Variants in OXR1 observed in about 807,000 individuals in gnomAD.
OXR1 encodes oxidation resistance 1.
A neutral mutation model predicts 104.6 loss-of-function variants in OXR1; 41 were observed. The ratio of observed to expected loss-of-function variants is 0.39; its 90% CI spans 0.31 to 0.51. The LOEUF (loss-of-function observed/expected upper bound fraction) is 0.51, where lower values mean the gene tolerates loss of function less well. Ranked by LOEUF, OXR1 falls within the 20% of genes least tolerant of loss-of-function variation. The probability of loss-of-function intolerance (pLI) is 0.77; values close to 1 mark genes in which losing one functional copy is unlikely to be tolerated. For synonymous variants in OXR1, 348 were observed against 348.4 expected, an observed-to-expected ratio of 1.00 and a Z score of 0.01; for missense variants, 955 against 1,031.9, an observed-to-expected ratio of 0.93 and a Z score of 1.02.
intron 2 of OXR1, among the ~76,000 whole-genome samples, chr8:106,471,611 A>T (rs1291419587): frequency 2.0e-5 from 3 of 151,872 alleles, no homozygotes; most frequent in Non-Finnish European, 4.4e-5. Context: ...TGCATTCTAG[A>T]TTGTTCCCAA....
At chr8:106,334,937 G>A (rs775898879) in intron 1 of OXR1, among the ~76,000 whole-genome samples, 2 of 151,908 alleles carry the variant, frequency 1.3e-5, no homozygotes, top group Non-Finnish European at 2.9e-5. Flanking sequence ...CAAACTCCTT[G>A]GCTGCCATCT....
intron 2 of OXR1, among the ~76,000 whole-genome samples, chr8:106,400,544 GATA>G (rs144505697): frequency 0.081 from 12,340 of 151,956 alleles, 1,706 homozygotes; most frequent in African/African-American, 0.28. Flanking sequence ...TTAAAATGCT[GATA>G]ATAATATTTT....
chr8:106,458,381 C>G (rs1424028620), intron 2 of OXR1, among the ~76,000 whole-genome samples: 1 of 152,056 alleles, frequency 6.6e-6, no homozygotes, highest in African/African-American at 2.4e-5. Flanking sequence ...AGCTGTAAAC[C>G]CTGGTGGGTG....
At chr8:106,621,519 A>AG (rs1232163776) in intron 3 of OXR1, among the ~76,000 whole-genome samples, 1 of 151,866 alleles carries the variant, frequency 6.6e-6, no homozygotes, top group Non-Finnish European at 1.5e-5. Context: ...ATAAGAGTAA[A>AG]AAAAAAAAAA....
chr8:106,745,747 C>G (rs1587321775), intron 15 of OXR1, 42 bp from the exon 16 acceptor site: 1 of 958,454 alleles, frequency 1.0e-6, no homozygotes, highest in African/African-American at 1.7e-5. Flanking sequence ...CTATAATAAC[C>G]ATTTCATCTA....
chr8:106,697,280 A>G, intron 7 of OXR1: 2 of 697,058 alleles, frequency 2.9e-6, no homozygotes, highest in South Asian at 3.6e-5. Context: ...GGCACCTCAG[A>G]GGTGATAGGA....
chr8:106,620,630 G>C (rs1821625854), intron 3 of OXR1, among the ~76,000 whole-genome samples: 1 of 152,124 alleles, frequency 6.6e-6, no homozygotes, highest in Non-Finnish European at 1.5e-5. Flanking sequence ...ATATTCAACT[G>C]TAATGAAATG....
chr8:106,567,291 T>G (rs1296819521), intron 3 of OXR1, among the ~76,000 whole-genome samples: 1 of 152,114 alleles, frequency 6.6e-6, no homozygotes, highest in Non-Finnish European at 1.5e-5. Context: ...TCAGGAAAGG[T>G]GGACCAAACA....
At chr8:106,710,558 T>TTAG in intron 9 of OXR1, 64 bp from the exon 10 acceptor site, 1 of 1,107,808 alleles carries the variant, frequency 9.0e-7, no homozygotes, top group Non-Finnish European at 1.2e-6. Context: ...AAGGTAAAGT[T>TTAG]AACTAAACTA....
intron 3 of OXR1, among the ~76,000 whole-genome samples, chr8:106,610,227 T>A (rs533580048): frequency 6.6e-6 from 1 of 152,102 alleles, no homozygotes; most frequent in South Asian, 2.1e-4. Context: ...AAAAATTCTG[T>A]CTATTCAACC....
At position 106,700,859 on chromosome 8, in the gene OXR1, A is replaced by T. The variant is rs193102926; in HGVS notation, c.676-2047A>T. Among the ~76,000 whole-genome samples the T allele has an allele frequency of 2.3e-3, 351 of 152,268 alleles. 2 individuals carry two copies. The highest frequency in any genetic ancestry group is 6.8e-3 in the Middle Eastern group (2 of 294). Reference sequence around the variant, plus strand: ...AGAGTAACCTGAAGTGTTTCAGAGAATTTAGAGCTTGATTTTTTTTTTATT... The same window carrying T: ...AGAGTAACCTGAAGTGTTTCAGAGATTTTAGAGCTTGATTTTTTTTTTATT... On this transcript the variant is annotated intron_variant, in intron 7 of 16. Coordinates refer to ENST00000517566, the MANE Select transcript of OXR1 (RefSeq NM_001198533.2).
intron 1 of OXR1, among the ~76,000 whole-genome samples, chr8:106,275,906 G>T (rs1812018663): frequency 6.6e-6 from 1 of 152,050 alleles, no homozygotes; most frequent in Non-Finnish European, 1.5e-5. Flanking sequence ...TAATAGCAAT[G>T]CAGGAAAAAG....
At chr8:106,739,112 A>G (rs1834680418) in intron 12 of OXR1, among the ~76,000 whole-genome samples, 1 of 146,760 alleles carries the variant, frequency 6.8e-6, no homozygotes, top group Non-Finnish European at 1.5e-5. Context: ...ACACACACAC[A>G]CACACACAGC....
intron 1 of OXR1, among the ~76,000 whole-genome samples, chr8:106,319,015 T>C (rs1369763763): frequency 2.0e-5 from 3 of 152,250 alleles, no homozygotes; most frequent in Non-Finnish European, 4.4e-5. Context: ...TCTAATTAGC[T>C]TGTGTATTCC....
intron 1 of OXR1, among the ~76,000 whole-genome samples, chr8:106,327,649 GA>G (rs1034945921): frequency 5.3e-5 from 8 of 151,722 alleles, no homozygotes; most frequent in Non-Finnish European, 8.8e-5. Flanking sequence ...TTATACTTGT[GA>G]AAAAAAATCT....
chr8:106,550,211 T>C (rs1815693583), intron 3 of OXR1, among the ~76,000 whole-genome samples: 1 of 152,214 alleles, frequency 6.6e-6, no homozygotes, highest in Non-Finnish European at 1.5e-5. Context: ...CACCAGCAGA[T>C]AGTCCCAGAG....
At chr8:106,646,383 C>T (rs536006932) in intron 3 of OXR1, among the ~76,000 whole-genome samples, 1 of 152,236 alleles carries the variant, frequency 6.6e-6, no homozygotes, top group South Asian at 2.1e-4. Flanking sequence ...GCTGGAATTA[C>T]AGGCATGAGC....
intron 3 of OXR1, among the ~76,000 whole-genome samples, chr8:106,591,998 A>G (rs1439508517): frequency 1.3e-5 from 2 of 152,334 alleles, no homozygotes; most frequent in South Asian, 2.1e-4. Context: ...TTCCTTCTTC[A>G]CGTGTACTCA....
At chr8:106,309,821 A>G (rs968057822) in intron 1 of OXR1, among the ~76,000 whole-genome samples, 1 of 151,092 alleles carries the variant, frequency 6.6e-6, no homozygotes, top group Non-Finnish European at 1.5e-5. Context: ...ACACATATAT[A>G]TATTTGTCCA....
Sources: gnomAD v4.1 joint callset for allele counts (sites outside exome capture counted in the v4.1 genomes callset) on GRCh38, gnomAD v4.1.1 for gene constraint, MANE v1.5 for transcripts, NCBI Gene and HGNC (gene_info 2026-07-23, HGNC 2026-07-21) for gene names.